NAV1: variants seen among roughly 807,000 people sequenced by gnomAD.
The protein encoded by NAV1 is neuron navigator 1, also known as pore membrane and/or filament interacting like protein 3.
Under a neutral mutation model 175.2 loss-of-function variants are expected in NAV1, and 18 were observed. The observed-to-expected ratio is 0.10, with a 90% CI of 0.07 to 0.15. The LOEUF is 0.15. Among genes scored for constraint, NAV1 ranks in the 10% least tolerant of loss-of-function variants. The pLI, the probability that NAV1 is intolerant of heterozygous loss-of-function variation, is 1.00. For synonymous variants in NAV1, 897 were observed against 978.7 expected (o/e 0.92, Z 1.56); for missense variants, 1,731 against 2,436.6 (o/e 0.71, Z 6.10).
At chr1:201,762,494 A>G (rs575496806) in intron 3 of NAV1, among the ~76,000 whole-genome samples, 19 of 152,244 alleles carry the variant, frequency 1.2e-4, no homozygotes, top group Admixed American at 2.6e-4. Context: ...GAAGAACAAT[A>G]TTTTGTGACA....
At chr1:201,618,955 G>C (rs1269228606), upstream of NAV1, among the ~76,000 whole-genome samples, 1 of 151,940 alleles carries the variant, frequency 6.6e-6, no homozygotes, top group African/African-American at 2.4e-5. Flanking sequence ...TCACTGTTTG[G>C]GGAGCCCTCC....
chr1:201,697,208 G>A (rs1671228372), intron 1 of NAV1, among the ~76,000 whole-genome samples: 1 of 152,202 alleles, frequency 6.6e-6, no homozygotes, highest in Admixed American at 6.5e-5. Flanking sequence ...GAAATGGGGG[G>A]GCATGTTGGT....
In NAV1 at chr1:201,810,179, C is replaced by G; in HGVS notation, c.4561+74C>G. ...CAGGATCATCAAATAATCCATCATG[C>G]ATTCATTCACCAAGAACTCACTGAG... is the stretch of plus-strand genomic sequence containing the variant. On this transcript the variant is annotated intron_variant, in intron 23 of 29. Transcript: ENST00000367296. This position sits in a 1 kb window ranked among gnomAD's most constrained non-coding sequence, Gnocchi z 6.0. 1 of 1,550,828 alleles carries G rather than the reference C, an allele frequency of 6.4e-7. No homozygotes were observed. Among genetic ancestry groups the G allele is most frequent in the South Asian group, 1.2e-5 (1 of 85,210 alleles).
chr1:201,677,250 CAA>C (rs3053786), intron 1 of NAV1, among the ~76,000 whole-genome samples: 3,071 of 110,630 alleles, frequency 0.028, 103 homozygotes, highest in African/African-American at 0.097. Context: ...GACTCCATCT[CAA>C]AAAAAAAAAA....
chr1:201,580,098 C>T (rs1666804634), intron 1 of NAV1, among the ~76,000 whole-genome samples: 1 of 152,218 alleles, frequency 6.6e-6, no homozygotes, highest in Non-Finnish European at 1.5e-5. Flanking sequence ...AGAAAACTGT[C>T]CCAGCTCCAG....
At chr1:201,622,788 A>T (rs1196453608), upstream of NAV1, 1 of 976,146 alleles carries the variant, frequency 1.0e-6, no homozygotes, top group Non-Finnish European at 1.2e-6. Flanking sequence ...TCCTCTTTCT[A>T]CACTCAAGGA....
intron 1 of NAV1, among the ~76,000 whole-genome samples, chr1:201,567,112 G>C (rs1666378575): frequency 6.6e-6 from 1 of 151,812 alleles, no homozygotes; most frequent in African/African-American, 2.4e-5. Flanking sequence ...CTCTTCACAG[G>C]ACTCTGATTA....
At chr1:201,713,975 A>G (rs1289282129) in intron 2 of NAV1, among the ~76,000 whole-genome samples, 1 of 152,190 alleles carries the variant, frequency 6.6e-6, no homozygotes, top group Non-Finnish European at 1.5e-5. Flanking sequence ...CTTTTTAAAA[A>G]TATTTTGTTA....
exon 30 of NAV1, chr1:201,826,252 G>A (rs1679664044): frequency 6.6e-6 from 1 of 152,110 alleles, no homozygotes; most frequent in Admixed American, 6.5e-5. Context: ...AAGGCTGATG[G>A]TGGATCCTCT....
upstream of NAV1, among the ~76,000 whole-genome samples, chr1:201,644,148 C>A (rs976526736): frequency 6.6e-6 from 1 of 152,138 alleles, no homozygotes; most frequent in Non-Finnish European, 1.5e-5. Context: ...CACTGCCTGC[C>A]CAGCCAGGCC....
intron 1 of NAV1, among the ~76,000 whole-genome samples, chr1:201,582,140 T>C (rs764486405): frequency 9.2e-5 from 14 of 152,194 alleles, no homozygotes; most frequent in South Asian, 2.1e-4. Context: ...GTTTCACAAG[T>C]GGTCAGCAAA....
intron 1 of NAV1, among the ~76,000 whole-genome samples, chr1:201,549,103 C>A (rs566251578): frequency 2.4e-4 from 35 of 148,048 alleles, no homozygotes; most frequent in African/African-American, 6.9e-4. Context: ...TTCTTTCTTT[C>A]TTTCTTTCTT....
At chr1:201,611,965 A>ATGTT (rs142032186) in intron 2 of NAV1, among the ~76,000 whole-genome samples, 20,873 of 151,952 alleles carry the variant, frequency 0.14, 2,516 homozygotes, top group African/African-American at 0.33. Context: ...GCGAGTGTGT[A>ATGTT]TGTGTCAGTG....
chr1:201,575,263 T>C (rs1666662422), intron 1 of NAV1, among the ~76,000 whole-genome samples: 1 of 152,150 alleles, frequency 6.6e-6, no homozygotes, highest in African/African-American at 2.4e-5. Context: ...TTCTTCAGGG[T>C]TCCTGGTGGA....
intron 2 of NAV1, among the ~76,000 whole-genome samples, chr1:201,716,484 G>A (rs544415531): frequency 2.0e-5 from 3 of 152,284 alleles, no homozygotes; most frequent in East Asian, 1.9e-4. Context: ...GGGGCACATC[G>A]GTTTCTGTCC....
In NAV1 at chr1:201,813,893, T is replaced by A. The variant is rs1678849469; in HGVS notation, c.5340+635T>A. ...TAACATGGTGAAATCCCCTTTCTAC[T>A]AAAAATACAAAAAATTAGCCAGACG... On this transcript the variant is annotated intron_variant, in intron 28 of 29. Coordinates refer to ENST00000367296, the Ensembl canonical transcript of NAV1. The surrounding 1 kb of genome is among the most constrained non-coding windows in gnomAD (Gnocchi z 4.2). Among the ~76,000 whole-genome samples, 1 of 151,908 alleles carries A rather than the reference T, an allele frequency of 6.6e-6. No homozygotes were observed. The highest frequency in any genetic ancestry group is 2.1e-4 in the South Asian group (1 of 4,814).
intron 1 of NAV1, among the ~76,000 whole-genome samples, chr1:201,541,452 C>T (rs992262199): frequency 9.9e-5 from 15 of 152,136 alleles, no homozygotes; most frequent in Non-Finnish European, 1.9e-4. Flanking sequence ...TGGGCTTTTT[C>T]TGGGATCTGG....
intron 2 of NAV1, among the ~76,000 whole-genome samples, chr1:201,637,364 G>T (rs1668641162): frequency 6.6e-6 from 1 of 152,160 alleles, no homozygotes; most frequent in Non-Finnish European, 1.5e-5. Flanking sequence ...CAGATAAATG[G>T]ACATATTCAC....
intron 1 of NAV1, among the ~76,000 whole-genome samples, chr1:201,579,559 T>C (rs745641678): frequency 1.2e-4 from 19 of 152,318 alleles, no homozygotes; most frequent in Non-Finnish European, 2.1e-4. Context: ...TTTCACCATG[T>C]TGGCCAGGCT....
Sources: allele counts gnomAD v4.1 joint callset (sites outside exome capture counted in the v4.1 genomes callset), GRCh38; gene constraint gnomAD v4.1.1; non-coding constraint Gnocchi (gnomAD v3.1); transcripts MANE v1.5; gene names NCBI Gene and HGNC (gene_info 2026-07-23, HGNC 2026-07-21).